The following HS1BP3 variants were observed in gnomAD, a reference collection of about 807,000 sequenced individuals.
HS1BP3 encodes the protein HCLS1 binding protein 3, also known as HCLS1-binding protein 3.
A neutral mutation model predicts 33.5 loss-of-function variants in HS1BP3; 32 were observed. The observed-to-expected ratio is 0.95, with a 90% confidence interval of 0.72 to 1.28. The LOEUF is 1.28. Ranked by LOEUF, HS1BP3 falls within the 50% of genes most tolerant of loss-of-function variation. HS1BP3 has a pLI of 0.00. For missense variants in HS1BP3, 486 were observed against 502.3 expected, an observed-to-expected ratio of 0.97 and a Z score of 0.31; for synonymous variants, 187 against 209.2, an observed-to-expected ratio of 0.89 and a Z score of 0.92.
At chr2:20,627,905 G>A (rs568938262) in intron 4 of HS1BP3, among the ~76,000 whole-genome samples, 4 of 152,304 alleles carry the variant, frequency 2.6e-5, no homozygotes, top group East Asian at 1.9e-4. Context: ...GAGAGGATGC[G>A]CGATGGATGG....
chr2:20,642,244 C>T (rs1407957071), intron 2 of HS1BP3, among the ~76,000 whole-genome samples: 5 of 152,212 alleles, frequency 3.3e-5, no homozygotes, highest in Middle Eastern at 3.2e-3. Context: ...GGGCATCTGA[C>T]GCCCTCGGGC....
At chr2:20,572,498 T>G (rs1693298274) in intron 5 of HS1BP3, among the ~76,000 whole-genome samples, 1 of 152,200 alleles carries the variant, frequency 6.6e-6, no homozygotes, top group Non-Finnish European at 1.5e-5. Flanking sequence ...CCAAGGACTT[T>G]GTCCTCCAAC....
At chr2:20,629,659 T>C (rs965412684) in intron 4 of HS1BP3, among the ~76,000 whole-genome samples, 2 of 152,096 alleles carry the variant, frequency 1.3e-5, no homozygotes, top group African/African-American at 4.8e-5. Flanking sequence ...ATGAGGTAGG[T>C]GGGGTGCTCC....
intron 1 of HS1BP3, among the ~76,000 whole-genome samples, chr2:20,649,226 G>A (rs914863721): frequency 6.6e-6 from 1 of 152,062 alleles, no homozygotes; most frequent in African/African-American, 2.4e-5. Context: ...CCTCTTCACC[G>A]CATCACCTAA....
At chr2:20,595,046 G>A (rs1268048460) in intron 3 of HS1BP3, among the ~76,000 whole-genome samples, 4 of 152,126 alleles carry the variant, frequency 2.6e-5, no homozygotes, top group East Asian at 1.9e-4. Context: ...GACAGAGCCC[G>A]GCATGCCACT....
At chr2:20,640,870 A>T in intron 3 of HS1BP3, 103 bp downstream of exon 3, 1 of 1,166,244 alleles carries the variant, frequency 8.6e-7, no homozygotes, top group Non-Finnish European at 1.3e-6. Context: ...TGAAGCCTCC[A>T]GGCTGCAGAG....
intron 1 of HS1BP3, among the ~76,000 whole-genome samples, chr2:20,649,980 A>G (rs1398939261): frequency 6.6e-6 from 1 of 152,088 alleles, no homozygotes; most frequent in Non-Finnish European, 1.5e-5. Context: ...CCAATCTGAA[A>G]CCTCCAATTC....
intron 6 of HS1BP3, chr2:20,622,065 G>T: frequency 1.6e-6 from 1 of 627,314 alleles, no homozygotes; most frequent in Non-Finnish European, 2.3e-6. Context: ...TGGTGTGGCT[G>T]CACAGCCAGA....
At position 20,618,675 on chromosome 2, in the gene HS1BP3, T is replaced by G; in HGVS notation, c.*312A>C. 8.3e-7 allele frequency: 1 copy of G among 1,205,214 alleles called. No individual in the cohort carries two copies. Among genetic ancestry groups the G allele is most frequent in the African/African-American group, 1.5e-5 (1 of 64,698 alleles). 74.7% of individuals were successfully genotyped at this position (1,205,214 alleles called of 1,614,324 possible). ...CTCGCTACGGCCCCACATGTCTTGCTTCATCCTTGGGGCTGGGCTTCTGGT... is the reference window on the plus strand; with the variant it reads ...CTCGCTACGGCCCCACATGTCTTGCGTCATCCTTGGGGCTGGGCTTCTGGT... On this transcript the variant is annotated 3_prime_UTR_variant, in exon 7 of 7. Coordinates refer to ENST00000304031, the MANE Select transcript of HS1BP3 (RefSeq NM_022460.4).
Position 20,619,099 on chromosome 2 carries a change from A to G in HS1BP3, c.1067T>C (p.Val356Ala). ...VPPKAGPAEA[V>A]AGQQKPQEQI... Reference sequence around the variant, plus strand: ...CTCCTGCGGCTTCTGCTGCCCAGCCACAGCTTCAGCCGGGCCCGCTTTGGG... The same window carrying G: ...CTCCTGCGGCTTCTGCTGCCCAGCCGCAGCTTCAGCCGGGCCCGCTTTGGG... Residue 356 changes from valine to alanine, a missense_variant, in exon 7 of 7, where the codon GTG (valine) becomes GCG (alanine). Val to Ala is a moderately conservative substitution (Grantham distance 64). Transcript: ENST00000304031. 1 of 1,614,078 alleles carries G rather than the reference A, an allele frequency of 6.2e-7. No individual in the cohort carries two copies. Among genetic ancestry groups the G allele is most frequent in the East Asian group, 2.2e-5 (1 of 44,872 alleles).
At chr2:20,600,967 G>A (rs966577941) in intron 2 of HS1BP3, among the ~76,000 whole-genome samples, 47 of 152,172 alleles carry the variant, frequency 3.1e-4, no homozygotes, top group African/African-American at 9.4e-4. Context: ...GCACTGTTTC[G>A]GAGAGTTAAA....
At chr2:20,623,869 C>T (rs368483140) in intron 6 of HS1BP3, 27 bp downstream of exon 6, 3 of 1,602,316 alleles carry the variant, frequency 1.9e-6, no homozygotes, top group Non-Finnish European at 2.6e-6. Flanking sequence ...TCAGAGCTGG[C>T]CAAGCGCCGC....
intron 5 of HS1BP3, among the ~76,000 whole-genome samples, chr2:20,560,975 C>T (rs2149269271): frequency 6.6e-6 from 1 of 152,212 alleles, no homozygotes; most frequent in Middle Eastern, 3.4e-3. Flanking sequence ...CTCTTCAGTC[C>T]CCACAAGGGG....
At chr2:20,582,870 G>T (rs1329087394) in intron 5 of HS1BP3, among the ~76,000 whole-genome samples, 1 of 152,142 alleles carries the variant, frequency 6.6e-6, no homozygotes, top group African/African-American at 2.4e-5. Context: ...ACACAGGCAG[G>T]GACCCTTTTG....
At chr2:20,641,604 C>G (rs1009796002) in intron 2 of HS1BP3, among the ~76,000 whole-genome samples, 1 of 152,208 alleles carries the variant, frequency 6.6e-6, no homozygotes, top group African/African-American at 2.4e-5. Flanking sequence ...CTCATTCTCC[C>G]GTGAACCAGT....
At chr2:20,601,884 TTCTCATA>T (rs1347228218) in intron 2 of HS1BP3, among the ~76,000 whole-genome samples, 1 of 141,264 alleles carries the variant, frequency 7.1e-6, no homozygotes, top group Admixed American at 8.0e-5. Flanking sequence ...GTTCACGCCA[TTCTCATA>T]TCTTGTAAGT....
chr2:20,614,730 C>T (rs189912816), downstream of HS1BP3, among the ~76,000 whole-genome samples: 1 of 152,360 alleles, frequency 6.6e-6, no homozygotes, highest in Non-Finnish European at 1.5e-5. Context: ...TCAGAGGCGG[C>T]TGCTATGTGC....
At chr2:20,597,901 C>T (rs1162208172) in intron 3 of HS1BP3, among the ~76,000 whole-genome samples, 1 of 152,086 alleles carries the variant, frequency 6.6e-6, no homozygotes, top group African/African-American at 2.4e-5. Flanking sequence ...GAGGGCCTGG[C>T]AGGGGAGCCG....
intron 1 of HS1BP3, among the ~76,000 whole-genome samples, chr2:20,649,690 C>G (rs931027103): frequency 6.6e-6 from 1 of 152,130 alleles, no homozygotes; most frequent in African/African-American, 2.4e-5. Flanking sequence ...AGCTGGGGTG[C>G]GACTGGGAAG....
Sources: allele counts gnomAD v4.1 joint callset (sites outside exome capture counted in the v4.1 genomes callset), GRCh38; gene constraint gnomAD v4.1.1; transcripts MANE v1.5; gene names NCBI Gene and HGNC (gene_info 2026-07-23, HGNC 2026-07-21).